The following PCDHGC5 variants were observed in gnomAD, a reference collection of about 807,000 sequenced individuals.
PCDHGC5 encodes protocadherin gamma subfamily C, 5, also known as protocadherin gamma-C5.
A neutral mutation model predicts 59.0 loss-of-function variants in PCDHGC5; 25 were observed. The ratio of observed to expected loss-of-function variants is 0.42; its 90% CI spans 0.31 to 0.59. The LOEUF (loss-of-function observed/expected upper bound fraction) is 0.59. PCDHGC5 is among the 20% of genes least tolerant of loss of function. The pLI, the probability that PCDHGC5 is intolerant of heterozygous loss-of-function variation, is 0.13. For missense variants in PCDHGC5, 1,067 were observed against 1,206.4 expected, an observed-to-expected ratio of 0.88 and a Z score of 1.71; for synonymous variants, 434 against 505.5, an observed-to-expected ratio of 0.86 and a Z score of 1.90.
At chr5:141,494,940 AG>A (rs888721888) in intron 2 of PCDHGC5, 75 bp downstream of exon 2, 1 of 1,610,860 alleles carries the variant, frequency 6.2e-7, no homozygotes, top group Non-Finnish European at 8.5e-7. Flanking sequence ...GAGATGGGGG[AG>A]GGCCCAGCAT....
At chr5:141,508,835 C>T (rs1190105775) in intron 3 of PCDHGC5, among the ~76,000 whole-genome samples, 12 of 152,158 alleles carry the variant, frequency 7.9e-5, no homozygotes, top group African/African-American at 2.9e-4. Flanking sequence ...CCCCCCTCCC[C>T]TACCCCTTCC....
intron 1 of PCDHGC5, chr5:141,492,069 C>A (rs1595083522): frequency 2.1e-6 from 1 of 475,880 alleles, no homozygotes; most frequent in East Asian, 3.3e-5. Context: ...GCCTCCTAGG[C>A]GCCGGCTCCG....
chr5:141,509,709 T>C (rs1344120168), intron 3 of PCDHGC5, among the ~76,000 whole-genome samples: 1 of 152,200 alleles, frequency 6.6e-6, no homozygotes, highest in African/African-American at 2.4e-5. Context: ...CTGGAGGTGC[T>C]GTCTGATGTC....
chr5:141,509,810 G>T (rs1272295976), intron 3 of PCDHGC5, among the ~76,000 whole-genome samples: 1 of 152,154 alleles, frequency 6.6e-6, no homozygotes, highest in East Asian at 1.9e-4. Flanking sequence ...ATAGAGCCGA[G>T]CTCTTCTCCA....
intron 2 of PCDHGC5, among the ~76,000 whole-genome samples, chr5:141,502,517 G>A (rs1333510345): frequency 1.3e-5 from 2 of 152,128 alleles, no homozygotes; most frequent in Admixed American, 6.6e-5. Flanking sequence ...CCCACTATCA[G>A]TGATGCCGAG....
intron 3 of PCDHGC5, among the ~76,000 whole-genome samples, chr5:141,505,926 G>A (rs114056147): frequency 0.012 from 1,893 of 152,254 alleles, 12 homozygotes; most frequent in Middle Eastern, 0.034. Context: ...TGGGCCTGGC[G>A]CTTGGAAGCC....
rs374154790 is a variant in PCDHGC5, at chr5:141,490,709, C to A, written c.1469C>A (p.Thr490Asn). The A allele has an allele frequency of 3.2e-5, 52 of 1,614,218 alleles. No homozygotes were observed. In the African/African-American group the frequency reaches 6.3e-4, roughly 19 times the overall value. Residue 490 changes from threonine (T) to asparagine (N), a missense_variant, in exon 1 of 4, where the codon ACC (threonine) becomes AAC (asparagine). Physicochemically the swap from Thr to Asn is moderately conservative, Grantham distance 65. Coordinates refer to ENST00000252087, the MANE Select transcript of PCDHGC5 (RefSeq NM_018929.3). The surrounding 1 kb of genome is among the most constrained non-coding windows in gnomAD (Gnocchi z 5.4). ...DPDTGDNARL[T>N]YSIVGNQVQG... ...GACACTGGGGATAATGCCCGCCTCA[C>A]CTACTCCATTGTAGGAAATCAGGTT...
chr5:141,491,503 G>C lies in PCDHGC5; in HGVS notation c.2263G>C (p.Gly755Arg). Residue 755 changes from glycine to arginine, a missense_variant, in exon 1 of 4, where the codon GGC (glycine) becomes CGC (arginine). Coordinates refer to ENST00000252087, the MANE Select transcript of PCDHGC5 (RefSeq NM_018929.3). The surrounding 1 kb of genome is among the most constrained non-coding windows in gnomAD (Gnocchi z 6.9). ...SSPNLQVSSD[G>R]TLKYMEVTLR... ...CCCCAACCTGCAGGTGAGCTCGGACGGCACGCTCAAGTACATGGAGGTGAC... is the reference window on the plus strand; with the variant it reads ...CCCCAACCTGCAGGTGAGCTCGGACCGCACGCTCAAGTACATGGAGGTGAC... The C allele has an allele frequency of 6.2e-7, 1 of 1,614,030 alleles. No homozygotes were observed.
Position 141,490,693 on chromosome 5 carries a change from G to C in PCDHGC5, c.1453G>C (p.Asp485His). 2 of 1,614,170 alleles carry C rather than the reference G, an allele frequency of 1.2e-6. No homozygotes were observed. Among genetic ancestry groups the C allele is most frequent in the Non-Finnish European group, 1.7e-6 (2 of 1,180,018 alleles). ...GGCTGCCTCAGATCCAGACACTGGG[G>C]ATAATGCCCGCCTCACCTACTCCAT... is the stretch of plus-strand genomic sequence containing the variant. ...TVAASDPDTG[D>H]NARLTYSIVG... The change falls in exon 1 of 4, where the codon GAT becomes CAT. Residue 485 changes from aspartate to histidine, a missense_variant. Coordinates refer to ENST00000252087, the MANE Select transcript of PCDHGC5 (RefSeq NM_018929.3). This position sits in a 1 kb window ranked among gnomAD's most constrained non-coding sequence, Gnocchi z 5.4.
intron 3 of PCDHGC5, among the ~76,000 whole-genome samples, chr5:141,510,166 A>G (rs1280391099): frequency 6.6e-6 from 1 of 151,872 alleles, no homozygotes; most frequent in African/African-American, 2.4e-5. Flanking sequence ...TCAGCTACTC[A>G]GGAGGTTGAG....
intron 3 of PCDHGC5, chr5:141,507,213 G>C (rs1016967764): frequency 6.6e-6 from 1 of 152,558 alleles, no homozygotes; most frequent in African/African-American, 2.4e-5. Context: ...AGGGTTGCCA[G>C]ATAAAATACA....
intron 3 of PCDHGC5, 110 bp downstream of exon 3, chr5:141,505,591 G>A (rs2099846959): frequency 6.4e-7 from 1 of 1,570,162 alleles, no homozygotes; most frequent in Non-Finnish European, 8.7e-7. Context: ...AGTTTCTCCA[G>A]ATCTTTCGGC....
chr5:141,510,853 CTGT>C, intron 3 of PCDHGC5, 91 bp from the exon 4 acceptor site: 3 of 1,601,238 alleles, frequency 1.9e-6, no homozygotes, highest in Middle Eastern at 1.7e-4. Context: ...GCCCAGGGTG[CTGT>C]ATAGGCATTC....
In PCDHGC5 at chr5:141,491,841, A is replaced by T. The variant is rs995010359; in HGVS notation, c.2460+141A>T. The T allele has an allele frequency of 1.4e-6, 2 of 1,465,172 alleles. No homozygotes were observed. The highest frequency in any genetic ancestry group is 1.4e-5 in the African/African-American group (1 of 69,948). 90.8% of individuals were successfully genotyped at this position (1,465,172 alleles called of 1,614,324 possible). ...TGCGCTCCACCCGATTCTCGGGATC[A>T]TTGGACCGTTTGCGCGAAACCAGAG... is the stretch of plus-strand genomic sequence containing the variant. On this transcript the variant is annotated intron_variant, in intron 1 of 3. Transcript: ENST00000252087. The surrounding 1 kb of genome is among the most constrained non-coding windows in gnomAD (Gnocchi z 6.9).
chr5:141,489,991 A>G lies in PCDHGC5; in HGVS notation c.751A>G (p.Ile251Val), dbSNP rs1157441385. Residue 251 changes from isoleucine to valine, a missense_variant, in exon 1 of 4, where the codon ATC becomes GTC. By Grantham distance (29) the Ile-to-Val change is conservative (BLOSUM62 3). Coordinates refer to ENST00000252087, the MANE Select transcript of PCDHGC5 (RefSeq NM_018929.3). The surrounding 1 kb of genome is among the most constrained non-coding windows in gnomAD (Gnocchi z 4.5). Reference sequence around the variant, plus strand: ...CCAATCCTCAGTTCTACGTGTGGGAATCCCAGAGAATGCACCCATTGGTAC... The same window carrying G: ...CCAATCCTCAGTTCTACGTGTGGGAGTCCCAGAGAATGCACCCATTGGTAC... The part of the protein sequence containing the change: ...TFQSSVLRVG[I>V]PENAPIGTLL... The G allele has an allele frequency of 6.2e-7, 1 of 1,614,228 alleles. No individual in the cohort carries two copies. Among genetic ancestry groups the G allele is most frequent in the South Asian group, 1.1e-5 (1 of 91,090 alleles).
In PCDHGC5 at chr5:141,511,251, A is replaced by T. The variant is rs780892899; in HGVS notation, c.*78A>T. 2.0e-5 allele frequency: 32 copies of T among 1,571,672 alleles called. No homozygotes were observed. Among genetic ancestry groups the T allele is most frequent in the Non-Finnish European group, 2.6e-5 (30 of 1,158,828 alleles). ...TTCTCCTTACCTGCACCCAGGCCTC[A>T]GAGTTTCAGGGCTAACCCCCAGAAT... On this transcript the variant is annotated 3_prime_UTR_variant, in exon 4 of 4. Transcript: ENST00000252087.
In PCDHGC5 at chr5:141,511,519, C is replaced by G; in HGVS notation, c.*346C>G. 2.7e-6 allele frequency: 1 copy of G among 367,516 alleles called. No homozygotes were observed. Among genetic ancestry groups the G allele is most frequent in the African/African-American group, 2.1e-5 (1 of 48,286 alleles). 22.8% of individuals were successfully genotyped at this position (367,516 alleles called of 1,614,324 possible). A position where few individuals can be genotyped will look rare whatever the true frequency, so the allele number is the denominator to read the frequency against. ...CCAAATCAATCAGGCCCATCCATCC[C>G]ATGCCTCCCTCCTCCCCACCCCACT... On this transcript the variant is annotated 3_prime_UTR_variant, in exon 4 of 4. Coordinates refer to ENST00000252087, the MANE Select transcript of PCDHGC5 (RefSeq NM_018929.3).
chr5:141,495,449 GCT>G (rs560850951), intron 2 of PCDHGC5, among the ~76,000 whole-genome samples: 3 of 152,194 alleles, frequency 2.0e-5, no homozygotes, highest in Non-Finnish European at 2.9e-5. Flanking sequence ...TACTTGTCCT[GCT>G]CTCTGTCTGT....
In PCDHGC5 at chr5:141,510,950, C is replaced by T. The variant is rs770587030; in HGVS notation, c.2612C>T (p.Ala871Val). 1.2e-6 allele frequency: 2 copies of T among 1,614,126 alleles called. No homozygotes were observed. The highest frequency in any genetic ancestry group is 2.2e-5 in the South Asian group (2 of 91,078). ...QAMILASASE[A>V]ADGSSTLGGG... Reference sequence around the variant, plus strand: ...TGATCTTCCTCTGTCTCTGCAGAAGCTGCTGATGGGAGCTCCACCCTGGGA... The same window carrying T: ...TGATCTTCCTCTGTCTCTGCAGAAGTTGCTGATGGGAGCTCCACCCTGGGA... The change falls in exon 4 of 4, where the codon GCT (alanine) becomes GTT (valine). Residue 871 changes from alanine (A) to valine (V), a missense_variant. Physicochemically the swap from Ala to Val is moderately conservative, Grantham distance 64. Transcript: ENST00000252087.
Sources: gnomAD v4.1 joint callset for allele counts (sites outside exome capture counted in the v4.1 genomes callset) on GRCh38, gnomAD v4.1.1 for gene constraint, Gnocchi (gnomAD v3.1) non-coding constraint, MANE v1.5 for transcripts, NCBI Gene and HGNC (gene_info 2026-07-23, HGNC 2026-07-21) for gene names.